EYA1: variants seen among roughly 807,000 people sequenced by gnomAD.
The protein encoded by EYA1 is EYA transcriptional coactivator and phosphatase 1.
EYA1 carries 16 observed loss-of-function variants against 82.0 expected under a neutral mutation model. The observed-to-expected ratio is 0.20, with a 90% CI of 0.13 to 0.30. The LOEUF (loss-of-function observed/expected upper bound fraction) is 0.30. EYA1 is among the 10% of genes least tolerant of loss of function. The probability of loss-of-function intolerance (pLI) is 1.00; values close to 1 mark genes in which losing one functional copy is unlikely to be tolerated. For missense variants in EYA1, 633 were observed against 730.7 expected (o/e 0.87, Z 1.54); for synonymous variants, 261 against 264.4 (o/e 0.99, Z 0.12).
chr8:71,214,532 C>T (rs756246259), intron 16 of EYA1, among the ~76,000 whole-genome samples: 25 of 152,190 alleles, frequency 1.6e-4, no homozygotes, highest in Admixed American at 7.2e-4. Context: ...CACATTCAAG[C>T]ACTTAGCAAT....
At chr8:71,298,748 T>C (rs978527553) in intron 9 of EYA1, among the ~76,000 whole-genome samples, 2 of 152,234 alleles carry the variant, frequency 1.3e-5, no homozygotes, top group Non-Finnish European at 2.9e-5. Context: ...ATTATAGTTA[T>C]AGCTAAGTAT....
At chr8:71,344,757 A>C (rs1461335860) in intron 3 of EYA1, among the ~76,000 whole-genome samples, 1 of 152,240 alleles carries the variant, frequency 6.6e-6, no homozygotes, top group Non-Finnish European at 1.5e-5. Flanking sequence ...GTTGCAAATT[A>C]GCGGGTGGTA....
intron 1 of EYA1, among the ~76,000 whole-genome samples, chr8:71,537,606 A>T (rs556968655): frequency 1.0e-3 from 154 of 152,316 alleles, no homozygotes; most frequent in African/African-American, 3.5e-3. Context: ...TGTACCTATA[A>T]GAGGTAAGAC....
intron 2 of EYA1, among the ~76,000 whole-genome samples, chr8:71,526,150 A>G (rs1275170313): frequency 6.6e-6 from 1 of 151,852 alleles, no homozygotes; most frequent in East Asian, 1.9e-4. Flanking sequence ...CTCTGAATGT[A>G]TCCAGTCTAC....
At chr8:71,432,548 T>A (rs1586705890) in intron 2 of EYA1, among the ~76,000 whole-genome samples, 1 of 152,212 alleles carries the variant, frequency 6.6e-6, no homozygotes, top group African/African-American at 2.4e-5. Context: ...GGCTTACAGA[T>A]GGTCGCCTTC....
chr8:71,339,784 G>A (rs969893820), intron 3 of EYA1, among the ~76,000 whole-genome samples: 5 of 152,166 alleles, frequency 3.3e-5, no homozygotes, highest in African/African-American at 4.8e-5. Context: ...GGTATAGAAT[G>A]AGCCTCATTC....
intron 6 of EYA1, 21 bp from the exon 7 acceptor site, chr8:71,317,710 T>G (rs1822078829): frequency 6.2e-7 from 1 of 1,613,116 alleles, no homozygotes; most frequent in Admixed American, 1.7e-5. Flanking sequence ...TAGTGATAGC[T>G]TATCTATCTG....
intron 2 of EYA1, among the ~76,000 whole-genome samples, chr8:71,456,273 G>C (rs910612887): frequency 2.0e-4 from 30 of 152,272 alleles, no homozygotes; most frequent in Middle Eastern, 3.4e-3. Context: ...CAAACAAATG[G>C]AAGAACATTC....
chr8:71,546,079 C>T (rs1435557502), intron 1 of EYA1, among the ~76,000 whole-genome samples: 1 of 152,172 alleles, frequency 6.6e-6, no homozygotes, highest in African/African-American at 2.4e-5. Context: ...CCTGCAGCTA[C>T]CCCAGACTAC....
intron 2 of EYA1, among the ~76,000 whole-genome samples, chr8:71,526,619 TCCCTGG>T (rs1285323712): frequency 3.9e-5 from 6 of 152,174 alleles, no homozygotes; most frequent in Admixed American, 3.9e-4. Flanking sequence ...AAGGCTTCAG[TCCCTGG>T]CCACATGTGC....
At chr8:71,306,007 A>G (rs934368305) in intron 7 of EYA1, among the ~76,000 whole-genome samples, 7 of 152,204 alleles carry the variant, frequency 4.6e-5, no homozygotes, top group African/African-American at 1.7e-4. Context: ...TCCCTCGAAG[A>G]AAGTTTGAAA....
chr8:71,276,301 T>G (rs2128959912), intron 9 of EYA1, among the ~76,000 whole-genome samples: 1 of 152,324 alleles, frequency 6.6e-6, no homozygotes, highest in Non-Finnish European at 1.5e-5. Context: ...CATGGCCCTC[T>G]TATCCCACTG....
chr8:71,370,772 C>T (rs1326112570), intron 2 of EYA1, among the ~76,000 whole-genome samples: 3 of 151,802 alleles, frequency 2.0e-5, no homozygotes, highest in African/African-American at 7.3e-5. Context: ...AGGCACTTAC[C>T]ACCATGCCTA....
At chr8:71,472,348 G>A (rs887592570) in intron 2 of EYA1, among the ~76,000 whole-genome samples, 2 of 152,058 alleles carry the variant, frequency 1.3e-5, no homozygotes, top group Non-Finnish European at 2.9e-5. Flanking sequence ...TGAAATGATG[G>A]TGATGTCCAA....
intron 4 of EYA1, among the ~76,000 whole-genome samples, chr8:71,328,913 T>A (rs12234979): frequency 0.06 from 9,133 of 152,232 alleles, 766 homozygotes; most frequent in East Asian, 0.42. Context: ...CACAATCACA[T>A]TGATCAATTC....
At chr8:71,200,892 C>T (rs1806907352) in intron 17 of EYA1, among the ~76,000 whole-genome samples, 1 of 150,810 alleles carries the variant, frequency 6.6e-6, no homozygotes, top group South Asian at 2.1e-4. Flanking sequence ...CAGAAAAACA[C>T]TCTGATGGTT....
intron 11 of EYA1, among the ~76,000 whole-genome samples, chr8:71,266,574 C>T (rs1032825941): frequency 6.6e-6 from 1 of 152,188 alleles, no homozygotes; most frequent in Non-Finnish European, 1.5e-5. Flanking sequence ...GGCAATGAGA[C>T]AACAGGCTGA....
At chr8:71,530,802 G>A (rs530536561) in intron 2 of EYA1, 13 of 152,134 alleles carry the variant, frequency 8.5e-5, no homozygotes, top group Non-Finnish European at 1.8e-4. Flanking sequence ...GCAAAACCCA[G>A]CATCTCAGCA....
In EYA1 at chr8:71,304,281, G is replaced by A. The variant is rs910045797; in HGVS notation, c.557-4561C>T. On this transcript the variant is annotated intron_variant, in intron 7 of 17. Transcript: ENST00000340726. ...CAGGAGGTGGATGCTGTTACATCCC[G>A]TTTATAGACGAAGAAACTGCCAGAG... Among the ~76,000 whole-genome samples, 3 of 142,384 alleles carry A rather than the reference G, an allele frequency of 2.1e-5. 1 individual carries two copies. Among genetic ancestry groups the A allele is most frequent in the South Asian group, 2.3e-4 (1 of 4,420 alleles). 93.4% of individuals were successfully genotyped at this position (142,384 alleles called of 152,430 possible).
Sources: gnomAD v4.1 joint callset for allele counts (sites outside exome capture counted in the v4.1 genomes callset) on GRCh38, gnomAD v4.1.1 for gene constraint, MANE v1.5 for transcripts, NCBI Gene and HGNC (gene_info 2026-07-23, HGNC 2026-07-21) for gene names.